STARD9: variants seen among roughly 807,000 people sequenced by gnomAD.
The protein encoded by STARD9 is StAR related lipid transfer domain containing 9.
Under a neutral mutation model 399.8 loss-of-function variants are expected in STARD9, and 346 were observed. That is an observed-to-expected ratio of 0.87 (90% confidence interval 0.79 to 0.95). STARD9 has a LOEUF of 0.95. Among genes scored for constraint, STARD9 ranks in the 40% least tolerant of loss-of-function variants. The pLI, the probability that STARD9 is intolerant of heterozygous loss-of-function variation, is 0.00. For synonymous variants in STARD9, 2,203 were observed against 2,143.5 expected, an observed-to-expected ratio of 1.03 and a Z score of -0.77; for missense variants, 5,832 against 5,667.5, an observed-to-expected ratio of 1.03 and a Z score of -0.93.
At position 42,585,121 on chromosome 15, in the gene STARD9, T is replaced by C. The variant is rs529068465; in HGVS notation, c.118-400T>C. 3.3e-5 allele frequency among the ~76,000 whole-genome samples: 5 copies of C among 152,272 alleles called. No individual in the cohort carries two copies. The South Asian group carries it at 1.0e-3, about 32-fold the overall frequency. ...ACTTGGATTCACCCCCAAGATATTA[T>C]GTATATGCAAATATTCCAAAATCCA... On this transcript the variant is annotated intron_variant, in intron 2 of 32. Coordinates refer to ENST00000290607, the MANE Select transcript of STARD9 (RefSeq NM_020759.3).
In STARD9 at chr15:42,585,634, T is replaced by C. The variant is rs2058260672; in HGVS notation, c.231T>C (p.Asp77=). The change falls in exon 3 of 33, where the codon GAT becomes GAC. Residue 77 remains aspartate, a synonymous_variant. Coordinates refer to ENST00000290607, the MANE Select transcript of STARD9 (RefSeq NM_020759.3). ...NPEDPQYASQ[D]VVFQDLGMEV... ...AGGATCCCCAGTATGCATCTCAAGATGTGGTAATATCATTTATCATTTTTC... is the reference window on the plus strand; with the variant it reads ...AGGATCCCCAGTATGCATCTCAAGACGTGGTAATATCATTTATCATTTTTC... 6.6e-7 allele frequency: 1 copy of C among 1,510,326 alleles called. No homozygotes were observed. The allele number at this position is 1,510,326 out of a possible 1,614,324, so 93.6% of individuals were successfully genotyped here.
intron 9 of STARD9, among the ~76,000 whole-genome samples, chr15:42,657,860 C>A (rs1017461242): frequency 3.4e-4 from 52 of 152,088 alleles, no homozygotes; most frequent in Non-Finnish European, 2.8e-4. Context: ...GTTGCAAAGG[C>A]AATTCAGTGG....
At chr15:42,705,572 C>CT in intron 26 of STARD9, among the ~76,000 whole-genome samples, 1 of 152,012 alleles carries the variant, frequency 6.6e-6, no homozygotes, top group African/African-American at 2.4e-5. Flanking sequence ...GTACCTGGGA[C>CT]TACAGGCATG....
intron 7 of STARD9, among the ~76,000 whole-genome samples, chr15:42,648,311 T>C (rs1243222822): frequency 6.6e-6 from 1 of 151,988 alleles, no homozygotes; most frequent in East Asian, 1.9e-4. Flanking sequence ...TACAGGCACA[T>C]GCTACCGTGC....
At position 42,614,345 on chromosome 15, in the gene STARD9, A is replaced by G. The variant is rs184838385; in HGVS notation, c.235-20511A>G. Among the ~76,000 whole-genome samples, 734 of 152,230 alleles carry G rather than the reference A, an allele frequency of 4.8e-3. 10 individuals are homozygous for G. The highest frequency in any genetic ancestry group is 0.017 in the African/African-American group (705 of 41,528). On this transcript the variant is annotated intron_variant, in intron 3 of 32. Coordinates refer to ENST00000290607, the MANE Select transcript of STARD9 (RefSeq NM_020759.3). ...TTATAAGAAGGCTTTTAAGTGGACA[A>G]GAAAAAGAAAAAGCAGTTCAGTAGA...
At position 42,637,906 on chromosome 15, in the gene STARD9, G is replaced by A; in HGVS notation, c.352-1G>A. 6.5e-6 allele frequency: 10 copies of A among 1,537,218 alleles called. No individual in the cohort carries two copies. The highest frequency in any genetic ancestry group is 8.7e-6 in the Non-Finnish European group (10 of 1,146,904). ...ATGCTTTCCTTTCTTCTGTTCACCA[G>A]GCCTCTGTTGGGTTGACACCACGGA... On this transcript the variant is annotated splice_acceptor_variant, in intron 4 of 32. Coordinates refer to ENST00000290607, the MANE Select transcript of STARD9 (RefSeq NM_020759.3). LOFTEE classifies it high-confidence loss of function.
At chr15:42,632,574 T>G (rs1222395632) in intron 3 of STARD9, among the ~76,000 whole-genome samples, 2 of 152,344 alleles carry the variant, frequency 1.3e-5, no homozygotes, top group East Asian at 3.9e-4. Flanking sequence ...TTAATTTCTT[T>G]TTATTTTTTG....
chr15:42,652,520 A>G lies in STARD9; in HGVS notation c.630A>G (p.Arg210=). 1 of 1,537,456 alleles carries G rather than the reference A, an allele frequency of 6.5e-7. No individual in the cohort carries two copies. The highest frequency in any genetic ancestry group is 8.7e-7 in the Non-Finnish European group (1 of 1,146,918). The change falls in exon 9 of 33, where the codon AGA becomes AGG. Residue 210 remains arginine, a splice_region_variant and synonymous_variant. Transcript: ENST00000290607. Reference sequence around the variant, plus strand: ...TAACAGTTTTTCCTTGTATACACAGAATCACAGCAGCCACCCATGTTCATG... The same window carrying G: ...TAACAGTTTTTCCTTGTATACACAGGATCACAGCAGCCACCCATGTTCATG... The part of the protein sequence containing the change: ...IQLLEEGIAN[R]ITAATHVHEA...
chr15:42,690,759 T>C lies in STARD9; in HGVS notation c.9181T>C (p.Ser3061Pro). 3 of 1,537,294 alleles carry C rather than the reference T, an allele frequency of 2.0e-6. No homozygotes were observed. The South Asian group carries it at 3.6e-5, about 18-fold the overall frequency. ...TCGAGCTCAAGGCTGCAGATCCCCT[T>C]CTGCTCCTGACGTGAGGACAGGTTC... ...LSRAQGCRSP[S>P]APDVRTGSFS... The change falls in exon 23 of 33, where the codon TCT (serine) becomes CCT (proline). Residue 3061 changes from serine (S) to proline (P), a missense_variant. By Grantham distance (74) the Ser-to-Pro change is moderately conservative. Transcript: ENST00000290607.
At position 42,665,344 on chromosome 15, in the gene STARD9, C is replaced by CAGA; in HGVS notation, c.1254+16_1254+18dup. ...AGCTTTGAACTGGTATGCAGACAGT[C>CAGA]AGAACCTTTCCGTACTTAAGTGAAA... On this transcript the variant is annotated intron_variant, in intron 14 of 32. Coordinates refer to ENST00000290607, the MANE Select transcript of STARD9 (RefSeq NM_020759.3). 6.5e-7 allele frequency: 1 copy of CAGA among 1,532,852 alleles called. No homozygotes were observed. The highest frequency in any genetic ancestry group is 8.7e-7 in the Non-Finnish European group (1 of 1,143,158). 95.0% of individuals were successfully genotyped at this position (1,532,852 alleles called of 1,614,324 possible).
At chr15:42,581,214 T>G in intron 1 of STARD9, 4 of 783,440 alleles carry the variant, frequency 5.1e-6, no homozygotes, top group Non-Finnish European at 7.1e-6. Context: ...GACTTCTACT[T>G]GTGGAGTCTT....
chr15:42,703,935 TTC>T (rs1384715222), intron 26 of STARD9, among the ~76,000 whole-genome samples: 3 of 151,858 alleles, frequency 2.0e-5, no homozygotes, highest in Non-Finnish European at 4.4e-5. Flanking sequence ...GAGATGGAGT[TTC>T]ACTCTTGTTG....
intron 3 of STARD9, among the ~76,000 whole-genome samples, chr15:42,612,568 G>A (rs1309877590): frequency 6.6e-6 from 1 of 152,170 alleles, no homozygotes; most frequent in African/African-American, 2.4e-5. Context: ...GAGGAGGGAA[G>A]TGTTAGAGCT....
At position 42,691,982 on chromosome 15, in the gene STARD9, C is replaced by G. The variant is rs1157555080; in HGVS notation, c.10404C>G (p.Pro3468=). The change falls in exon 23 of 33, where the codon CCC becomes CCG. Residue 3468 remains proline, a synonymous_variant. Coordinates refer to ENST00000290607, the MANE Select transcript of STARD9 (RefSeq NM_020759.3). ...ACTTTGGCTCCAGTGACATCAGTCC[C>G]TATGCGCTGCCGTGGCGTCCGGAGG... ...MLHFGSSDIS[P]YALPWRPEEP... is the part of the protein sequence containing the mutation. 2.0e-6 allele frequency: 3 copies of G among 1,537,252 alleles called. No homozygotes were observed. In the Admixed American group the frequency reaches 5.9e-5, roughly 30 times the overall value.
chr15:42,680,066 A>G (rs574640812), intron 20 of STARD9, among the ~76,000 whole-genome samples: 20 of 152,308 alleles, frequency 1.3e-4, no homozygotes. Context: ...CTCTGGCAGA[A>G]TCTGACTCTT....
intron 26 of STARD9, among the ~76,000 whole-genome samples, chr15:42,699,771 A>C (rs911640597): frequency 6.6e-6 from 1 of 151,792 alleles, no homozygotes; most frequent in Non-Finnish European, 1.5e-5. Context: ...CAATGGTGCA[A>C]ACTTGGCTCA....
Position 42,686,439 on chromosome 15 carries a change from G to A in STARD9, c.4861G>A (p.Ala1621Thr). 6.5e-7 allele frequency: 1 copy of A among 1,537,810 alleles called. No individual in the cohort carries two copies. The highest frequency in any genetic ancestry group is 1.2e-5 in the South Asian group (1 of 84,064). The change falls in exon 23 of 33, where the codon GCA becomes ACA. Residue 1621 changes from alanine (A) to threonine (T), a missense_variant. Ala to Thr is a moderately conservative substitution (Grantham distance 58). This residue lies in a region of STARD9 where 5,828 missense variants were observed against 5,651.1 expected (regional missense o/e 1.03). Coordinates refer to ENST00000290607, the MANE Select transcript of STARD9 (RefSeq NM_020759.3). ...ENAIPDSMTE[A>T]CEVKQNNLEE... ...CGCGATACCAGATTCCATGACAGAA[G>A]CATGTGAAGTCAAGCAGAACAACTT... is the stretch of plus-strand genomic sequence containing the variant.
At chr15:42,674,729 G>C (rs775132749) in intron 17 of STARD9, 98 bp from the exon 18 acceptor site, 98 of 1,426,468 alleles carry the variant, frequency 6.9e-5, no homozygotes, top group Non-Finnish European at 8.7e-5. Flanking sequence ...TATGGTATGA[G>C]GTCTTCCAGA....
rs1369688209 is a variant in STARD9, at chr15:42,712,076, ATATAT to A, written c.13285-4595_13285-4591del. 3.1e-4 allele frequency among the ~76,000 whole-genome samples: 13 copies of A among 42,520 alleles called. No homozygotes were observed. The African/African-American group carries it at 3.7e-3, about 12-fold the overall frequency. The allele number at this position is 42,520 out of a possible 152,430, so 27.9% of individuals were successfully genotyped here. A position where few individuals can be genotyped will look rare whatever the true frequency, so the allele number is the denominator to read the frequency against. On this transcript the variant is annotated intron_variant, in intron 26 of 32. Coordinates refer to ENST00000290607, the MANE Select transcript of STARD9 (RefSeq NM_020759.3). The stretch of plus-strand genomic sequence containing the variant: ...GTTGAGCATCTTTTTATATATATAT[ATATAT>A]TATATATATATATATAATATATAAT...
Sources: gnomAD v4.1 joint callset for allele counts (sites outside exome capture counted in the v4.1 genomes callset) on GRCh38, gnomAD v4.1.1 for gene constraint, gnomAD v4.1.1 regional missense constraint, MANE v1.5 for transcripts, NCBI Gene and HGNC (gene_info 2026-07-23, HGNC 2026-07-21) for gene names.